The following C3orf49 variants were observed in gnomAD, a reference collection of about 807,000 sequenced individuals.
C3orf49 encodes chromosome 3 open reading frame 49, also known as putative uncharacterized protein C3orf49.
In C3orf49, 27 loss-of-function variants were observed where a neutral mutation model predicts 13.3. The observed-to-expected ratio is 2.02, with a 90% CI of 1.49 to 2.79. The LOEUF (loss-of-function observed/expected upper bound fraction) is 2.79, where lower values mean the gene tolerates loss of function less well. Ranked by LOEUF, C3orf49 falls within the 30% of genes most tolerant of loss-of-function variation. The probability of loss-of-function intolerance (pLI) is 0.00; values close to 1 mark genes in which losing one functional copy is unlikely to be tolerated. For synonymous variants in C3orf49, 87 were observed against 47.6 expected, an observed-to-expected ratio of 1.83 and a Z score of -3.40; for missense variants, 242 against 134.2, an observed-to-expected ratio of 1.80 and a Z score of -3.97.
At chr3:63,788,219 C>T in the C3orf49 span, among the ~76,000 whole-genome samples, 1 of 151,810 alleles carries the variant, frequency 6.6e-6, no homozygotes, top group East Asian at 1.9e-4. Context: ...AATGCTAGCC[C>T]ATCTTACAGG....
chr3:63,847,207 C>T (rs569786096), intron 6 of C3orf49, among the ~76,000 whole-genome samples: 8 of 152,246 alleles, frequency 5.3e-5, no homozygotes, highest in Non-Finnish European at 1.0e-4. Context: ...AAAAAAGTTC[C>T]TATAAATCTG....
the C3orf49 span, among the ~76,000 whole-genome samples, chr3:63,810,934 C>T: frequency 6.6e-6 from 1 of 152,170 alleles, no homozygotes; most frequent in African/African-American, 2.4e-5. Context: ...GCAACCTCCA[C>T]CTACAGGGTT....
At chr3:63,826,491 G>A (rs561268989) in intron 2 of C3orf49, among the ~76,000 whole-genome samples, 1 of 152,268 alleles carries the variant, frequency 6.6e-6, no homozygotes, top group Admixed American at 6.5e-5. Flanking sequence ...GGCTTTGAAG[G>A]TGGAGGCATC....
intron 3 of C3orf49, 73 bp downstream of exon 3, chr3:63,827,798 G>A (rs1701484316): frequency 1.5e-6 from 1 of 669,336 alleles, no homozygotes; most frequent in Non-Finnish European, 2.7e-6. Flanking sequence ...CAAAAACCAA[G>A]TTCTGTCCTA....
chr3:63,784,367 A>C, the C3orf49 span, among the ~76,000 whole-genome samples: 1 of 152,240 alleles, frequency 6.6e-6, no homozygotes, highest in Non-Finnish European at 1.5e-5. Flanking sequence ...AAAGAAAAGA[A>C]AAACAAAACT....
the C3orf49 span, among the ~76,000 whole-genome samples, chr3:63,805,338 CTTT>C: frequency 6.6e-6 from 1 of 152,154 alleles, no homozygotes; most frequent in Non-Finnish European, 1.5e-5. Flanking sequence ...ATAAATACTT[CTTT>C]TTATTACTTT....
chr3:63,789,245 G>A, the C3orf49 span, among the ~76,000 whole-genome samples: 1 of 152,146 alleles, frequency 6.6e-6, no homozygotes, highest in South Asian at 2.1e-4. Flanking sequence ...GCTAATGCCT[G>A]ATGATATGAG....
chr3:63,845,428 T>C (rs1222377190), intron 6 of C3orf49, among the ~76,000 whole-genome samples: 1 of 152,084 alleles, frequency 6.6e-6, no homozygotes, highest in Non-Finnish European at 1.5e-5. Flanking sequence ...TGGACAGAAA[T>C]ACGGGTTGCA....
At chr3:63,836,894 C>G (rs1380417528) in intron 5 of C3orf49, among the ~76,000 whole-genome samples, 1 of 151,770 alleles carries the variant, frequency 6.6e-6, no homozygotes, top group Non-Finnish European at 1.5e-5. Context: ...GTTAAGCTTT[C>G]TTATGAAGTG....
chr3:63,789,370 T>C, the C3orf49 span, among the ~76,000 whole-genome samples: 44 of 152,336 alleles, frequency 2.9e-4, 1 homozygote, highest in African/African-American at 1.0e-3. Flanking sequence ...CTACAAAACC[T>C]TGTATAGGAG....
the C3orf49 span, among the ~76,000 whole-genome samples, chr3:63,780,128 T>C: frequency 6.6e-6 from 1 of 152,184 alleles, no homozygotes; most frequent in Non-Finnish European, 1.5e-5. Context: ...CTCCTAATGC[T>C]ATCCCTCCAC....
intron 1 of C3orf49, 79 bp downstream of exon 1, chr3:63,819,675 A>G: frequency 1.5e-6 from 1 of 688,928 alleles, no homozygotes; most frequent in South Asian, 1.5e-5. Flanking sequence ...TAAGCATTGC[A>G]TTTAGGAATG....
At chr3:63,830,865 T>C (rs2107107215) in intron 3 of C3orf49, among the ~76,000 whole-genome samples, 1 of 152,306 alleles carries the variant, frequency 6.6e-6, no homozygotes, top group African/African-American at 2.4e-5. Flanking sequence ...TGCTGTATAT[T>C]CTTTCAGAGC....
chr3:63,845,048 G>A lies in C3orf49; in HGVS notation c.875G>A (p.Ser292Asn), dbSNP rs763609262. The part of the protein sequence containing the change: ...KNMTTKGPGD[S>N] ...ATGACCACAAAAGGACCTGGAGACA[G>A]CTGACCTGAGACTCCTTGAGGAACA... Residue 292 changes from serine to asparagine, a missense_variant, in exon 6 of 7, where the codon AGC (serine) becomes AAC (asparagine). Coordinates refer to ENST00000295896, the MANE Select transcript of C3orf49 (RefSeq NM_001355236.2). The A allele has an allele frequency of 1.4e-6, 1 of 700,112 alleles. No individual in the cohort carries two copies. The highest frequency in any genetic ancestry group is 1.5e-5 in the South Asian group (1 of 67,248). 43.4% of individuals were successfully genotyped at this position (700,112 alleles called of 1,614,324 possible). A position where few individuals can be genotyped will look rare whatever the true frequency, so the allele number is the denominator to read the frequency against.
the C3orf49 span, among the ~76,000 whole-genome samples, chr3:63,791,165 C>T: frequency 6.6e-6 from 1 of 152,094 alleles, no homozygotes; most frequent in Non-Finnish European, 1.5e-5. Context: ...TGGGGTGCAC[C>T]ACACAAAAAT....
chr3:63,806,631 T>A, the C3orf49 span, among the ~76,000 whole-genome samples: 4 of 152,372 alleles, frequency 2.6e-5, no homozygotes, highest in African/African-American at 9.6e-5. Flanking sequence ...CCTTTTCATA[T>A]GCTCGTTGCA....
chr3:63,813,533 G>T, the C3orf49 span, among the ~76,000 whole-genome samples: 1 of 152,064 alleles, frequency 6.6e-6, no homozygotes, highest in Non-Finnish European at 1.5e-5. Flanking sequence ...CTAACCTGGG[G>T]CAGCAATCAA....
At chr3:63,841,895 T>C (rs1472131917) in intron 5 of C3orf49, among the ~76,000 whole-genome samples, 1 of 152,214 alleles carries the variant, frequency 6.6e-6, no homozygotes, top group Admixed American at 6.5e-5. Flanking sequence ...CCTTTGCTAG[T>C]CTTATCTGTG....
intron 5 of C3orf49, chr3:63,837,917 G>A: frequency 7.5e-6 from 11 of 1,467,438 alleles, no homozygotes; most frequent in South Asian, 1.3e-5. Flanking sequence ...ATTAAAAACT[G>A]CATGAAAACT....
Sources: gnomAD v4.1 joint callset for allele counts (sites outside exome capture counted in the v4.1 genomes callset) on GRCh38, gnomAD v4.1.1 for gene constraint, MANE v1.5 for transcripts, NCBI Gene and HGNC (gene_info 2026-07-23, HGNC 2026-07-21) for gene names.